Variants in CIROZ observed in about 807,000 individuals in gnomAD.
CIROZ encodes the protein ciliated left-right organizer protein containing ZP-N domains.
the CIROZ span, among the ~76,000 whole-genome samples, chr1:10,946,902 C>A: frequency 6.6e-6 from 1 of 152,192 alleles, no homozygotes; most frequent in Non-Finnish European, 1.5e-5. Flanking sequence ...ACCAACAACC[C>A]CCAGAGATGT....
chr1:10,976,351 T>G, the CIROZ span: 6 of 846,870 alleles, frequency 7.1e-6, no homozygotes, highest in Non-Finnish European at 9.0e-6. Context: ...TTTTTTTTTT[T>G]CTGAGACGGA....
chr1:10,960,441 G>C, the CIROZ span, among the ~76,000 whole-genome samples: 1 of 152,076 alleles, frequency 6.6e-6, no homozygotes, highest in Non-Finnish European at 1.5e-5. The surrounding 1 kb of genome is among the most constrained non-coding windows in gnomAD (Gnocchi z 4.6). Context: ...GGGAAGACGT[G>C]ACAAGTACGC....
At chr1:10,970,433 G>T in the CIROZ span, among the ~76,000 whole-genome samples, 1 of 152,098 alleles carries the variant, frequency 6.6e-6, no homozygotes, top group African/African-American at 2.4e-5. Flanking sequence ...TTCGAGACCA[G>T]CCTGGCCAAC....
chr1:10,955,231 A>T, the CIROZ span: 35 of 1,534,344 alleles, frequency 2.3e-5, no homozygotes, highest in Admixed American at 6.1e-4. Flanking sequence ...CACACTTTGC[A>T]GGCTCGTGGA....
At chr1:10,950,494 C>T in the CIROZ span, among the ~76,000 whole-genome samples, 21,142 of 152,206 alleles carry the variant, frequency 0.14, 2,629 homozygotes, top group African/African-American at 0.33. Context: ...CCACAGAGAA[C>T]CGGAGAGTGC....
the CIROZ span, among the ~76,000 whole-genome samples, chr1:10,975,147 C>A: frequency 6.6e-6 from 1 of 152,148 alleles, no homozygotes; most frequent in Admixed American, 6.5e-5. Context: ...GTGGCTCATG[C>A]CTGTAATCCC....
chr1:10,950,029 T>TC, the CIROZ span, among the ~76,000 whole-genome samples: 10 of 142,696 alleles, frequency 7.0e-5, no homozygotes, highest in Non-Finnish European at 1.3e-4. Flanking sequence ...ACATCAAGAT[T>TC]CTTTTTTTTT....
chr1:10,954,381 G>C, the CIROZ span, among the ~76,000 whole-genome samples: 1 of 151,718 alleles, frequency 6.6e-6, no homozygotes, highest in African/African-American at 2.4e-5. Context: ...TTGAACCCAG[G>C]AGGAGGAGGT....
chr1:10,977,356 G>A, the CIROZ span, among the ~76,000 whole-genome samples: 78 of 150,778 alleles, frequency 5.2e-4, no homozygotes, highest in Admixed American at 1.0e-3. Flanking sequence ...GGTGGCGTGC[G>A]CCTGTAATCC....
At chr1:10,947,377 G>A in the CIROZ span, among the ~76,000 whole-genome samples, 1 of 152,182 alleles carries the variant, frequency 6.6e-6, no homozygotes, top group Non-Finnish European at 1.5e-5. Flanking sequence ...GCAGGCAGAC[G>A]GCCTGCCGCT....
the CIROZ span, among the ~76,000 whole-genome samples, chr1:10,974,143 C>G: frequency 1.3e-5 from 2 of 152,056 alleles, no homozygotes; most frequent in East Asian, 3.9e-4. This position sits in a 1 kb window ranked among gnomAD's most constrained non-coding sequence, Gnocchi z 4.4. Flanking sequence ...ACCTGTGGGC[C>G]AGGGAGGGCC....
chr1:10,964,166 C>T, the CIROZ span: 1 of 1,614,116 alleles, frequency 6.2e-7, no homozygotes, highest in East Asian at 2.2e-5. Flanking sequence ...CTTTCCTGGC[C>T]CAGCCTTGAC....
chr1:10,962,051 T>C, the CIROZ span, among the ~76,000 whole-genome samples: 1 of 152,180 alleles, frequency 6.6e-6, no homozygotes, highest in Non-Finnish European at 1.5e-5. Context: ...CTCCTTTCTC[T>C]TCCTCCTTCC....
the CIROZ span, among the ~76,000 whole-genome samples, chr1:10,973,676 C>T: frequency 6.6e-6 from 1 of 152,266 alleles, no homozygotes; most frequent in South Asian, 2.1e-4. Context: ...GGAGCCCCGC[C>T]CCTTCTGAGT....
the CIROZ span, chr1:10,981,972 G>A: frequency 6.5e-7 from 1 of 1,536,782 alleles, no homozygotes; most frequent in South Asian, 1.2e-5. Flanking sequence ...CACTAAGCAT[G>A]CCACTGGCTT....
At chr1:10,955,333 C>T in the CIROZ span, 6 of 653,838 alleles carry the variant, frequency 9.2e-6, no homozygotes, top group South Asian at 1.6e-4. Context: ...TACTTGGTGT[C>T]CTGGTATCAC....
chr1:10,951,745 A>AATATATATATATATATAT, the CIROZ span, among the ~76,000 whole-genome samples: 1 of 119,206 alleles, frequency 8.4e-6, no homozygotes, highest in African/African-American at 3.6e-5. Context: ...AAAAAAAAAA[A>AATATATATATATATATAT]ATATATATAT....
chr1:10,958,754 T>C, the CIROZ span: 7 of 1,613,800 alleles, frequency 4.3e-6, no homozygotes, highest in Admixed American at 1.2e-4. Context: ...CCGGGAGACC[T>C]GCAGAGACAA....
chr1:10,955,379 G>A, the CIROZ span, among the ~76,000 whole-genome samples: 5 of 152,004 alleles, frequency 3.3e-5, no homozygotes, highest in Non-Finnish European at 5.9e-5. Context: ...GGATGAAGAA[G>A]AGAAGAAAAA....
Sources: gnomAD v4.1 joint callset for allele counts (sites outside exome capture counted in the v4.1 genomes callset) on GRCh38, gnomAD v4.1.1 for gene constraint, Gnocchi (gnomAD v3.1) non-coding constraint, MANE v1.5 for transcripts, NCBI Gene and HGNC (gene_info 2026-07-23, HGNC 2026-07-21) for gene names.